The following KLHL7 variants were observed in gnomAD, a reference collection of about 807,000 sequenced individuals.
KLHL7 encodes kelch like family member 7.
A neutral mutation model predicts 67.4 loss-of-function variants in KLHL7; 44 were observed. The observed-to-expected ratio is 0.65, with a 90% CI of 0.51 to 0.84. The LOEUF is 0.84. Ranked by LOEUF, KLHL7 falls within the 40% of genes least tolerant of loss-of-function variation. KLHL7 has a pLI of 0.00. For synonymous variants in KLHL7, 252 were observed against 243.3 expected, an observed-to-expected ratio of 1.04 and a Z score of -0.33; for missense variants, 362 against 718.1, an observed-to-expected ratio of 0.50 and a Z score of 5.67.
intron 6 of KLHL7, among the ~76,000 whole-genome samples, chr7:23,146,835 C>T (rs1388901084): frequency 6.6e-6 from 1 of 152,004 alleles, no homozygotes; most frequent in Admixed American, 6.5e-5. Flanking sequence ...TCTATATGTA[C>T]ACACATCACT....
At chr7:23,135,088 A>G (rs1783930726) in intron 4 of KLHL7, among the ~76,000 whole-genome samples, 1 of 152,030 alleles carries the variant, frequency 6.6e-6, no homozygotes, top group African/African-American at 2.4e-5. Context: ...ATTCCCTCTT[A>G]GTACTGCTTT....
At chr7:23,172,180 C>CA (rs1036181515) in intron 9 of KLHL7, 6 of 456,402 alleles carry the variant, frequency 1.3e-5, no homozygotes. Context: ...TCACAAATGT[C>CA]AGTCTTGGGA....
intron 1 of KLHL7, among the ~76,000 whole-genome samples, chr7:23,119,249 G>A (rs1049641430): frequency 3.3e-5 from 5 of 152,018 alleles, no homozygotes; most frequent in Admixed American, 2.6e-4. Context: ...CTGTTGTCTA[G>A]GCTGGAATGT....
chr7:23,132,048 C>T (rs940897018), intron 4 of KLHL7, among the ~76,000 whole-genome samples: 2 of 152,140 alleles, frequency 1.3e-5, no homozygotes, highest in African/African-American at 4.8e-5. Context: ...TTTACCCATT[C>T]ATCTGTTGAT....
intron 1 of KLHL7, among the ~76,000 whole-genome samples, chr7:23,108,211 G>A (rs1782723862): frequency 1.3e-5 from 2 of 152,284 alleles, no homozygotes; most frequent in South Asian, 2.1e-4. Context: ...TGTGAGATTA[G>A]CATACCTCAG....
At chr7:23,124,623 C>T in intron 2 of KLHL7, 65 bp from the exon 3 acceptor site, 1 of 938,236 alleles carries the variant, frequency 1.1e-6, no homozygotes, top group Non-Finnish European at 1.8e-6. Flanking sequence ...GCCTGGAATG[C>T]CGTGGTTCCT....
At chr7:23,134,005 A>C (rs986389219) in intron 4 of KLHL7, among the ~76,000 whole-genome samples, 1 of 152,196 alleles carries the variant, frequency 6.6e-6, no homozygotes, top group African/African-American at 2.4e-5. Context: ...CAGTGGTGAA[A>C]GTGAGCATCC....
intron 3 of KLHL7, 77 bp downstream of exon 3, chr7:23,124,858 T>C: frequency 8.6e-7 from 1 of 1,159,608 alleles, no homozygotes; most frequent in Admixed American, 1.8e-5. Context: ...TAACAAATAG[T>C]TGCACTACAA....
Position 23,111,441 on chromosome 7 carries a change from G to C in KLHL7, c.120+5295G>C, listed in dbSNP as rs1782866197. ...CATAGCTTCATAAGTCAAGTTAGGT[G>C]ATTTGCCCTTATTCTAAAATCTGTG... is the stretch of plus-strand genomic sequence containing the variant. On this transcript the variant is annotated intron_variant, in intron 1 of 10. Coordinates refer to ENST00000339077, the MANE Select transcript of KLHL7 (RefSeq NM_001031710.3). Among the ~76,000 whole-genome samples, 2 of 152,206 alleles carry C rather than the reference G, an allele frequency of 1.3e-5. 1 individual carries two copies. The highest frequency in any genetic ancestry group is 4.1e-4 in the South Asian group (2 of 4,822).
chr7:23,141,840 G>A (rs1317270624), intron 5 of KLHL7, among the ~76,000 whole-genome samples: 1 of 152,022 alleles, frequency 6.6e-6, no homozygotes, highest in Non-Finnish European at 1.5e-5. Flanking sequence ...AGCCAGGATG[G>A]TCTAGATCTC....
At chr7:23,143,127 A>G (rs1784245785) in intron 5 of KLHL7, among the ~76,000 whole-genome samples, 1 of 152,214 alleles carries the variant, frequency 6.6e-6, no homozygotes. Context: ...CCTTATTAAT[A>G]TCACTCGAAA....
intron 1 of KLHL7, among the ~76,000 whole-genome samples, chr7:23,117,213 G>T (rs577633369): frequency 6.7e-6 from 1 of 149,320 alleles, no homozygotes; most frequent in African/African-American, 2.5e-5. Flanking sequence ...TCAGCCTCCC[G>T]AGTAGCTGCT....
intron 7 of KLHL7, among the ~76,000 whole-genome samples, chr7:23,159,197 G>C (rs1425211324): frequency 1.3e-5 from 2 of 152,086 alleles, no homozygotes; most frequent in Non-Finnish European, 2.9e-5. Flanking sequence ...TTTTAAAACA[G>C]GGTCTTCCTC....
At chr7:23,119,543 G>A (rs1783243106) in intron 1 of KLHL7, among the ~76,000 whole-genome samples, 1 of 152,088 alleles carries the variant, frequency 6.6e-6, no homozygotes, top group African/African-American at 2.4e-5. Flanking sequence ...TTTACATTAG[G>A]GTTGACTCTG....
At position 23,105,932 on chromosome 7, in the gene KLHL7, C is replaced by T. The variant is rs529970611; in HGVS notation, c.-95C>T. On this transcript the variant is annotated 5_prime_UTR_variant, in exon 1 of 11. Coordinates refer to ENST00000339077, the MANE Select transcript of KLHL7 (RefSeq NM_001031710.3). ...TGGGCGCTGCAGCTGCACTGCCGAT[C>T]GCCGTGTTTGGTCGATAGAATCCCC... The T allele has an allele frequency of 2.0e-6, 3 of 1,532,460 alleles. No homozygotes were observed. The highest frequency in any genetic ancestry group is 2.6e-6 in the Non-Finnish European group (3 of 1,138,508). 94.9% of individuals were successfully genotyped at this position (1,532,460 alleles called of 1,614,324 possible).
At position 23,128,422 on chromosome 7, in the gene KLHL7, TAAAAAAAAAAAA is replaced by T. The variant is rs201757686; in HGVS notation, c.442+3268_442+3279del. Among the ~76,000 whole-genome samples, 967 of 116,936 alleles carry T rather than the reference TAAAAAAAAAAAA, an allele frequency of 8.3e-3. 10 individuals are homozygous for T. Among genetic ancestry groups the T allele is most frequent in the Middle Eastern group, 0.02 (4 of 202 alleles). The allele number at this position is 116,936 out of a possible 152,430, so 76.7% of individuals were successfully genotyped here. On this transcript the variant is annotated intron_variant, in intron 4 of 10. Coordinates refer to ENST00000339077, the MANE Select transcript of KLHL7 (RefSeq NM_001031710.3). Reference sequence around the variant, plus strand: ...AATAAGACTACGACTTCTTTGGGTTTAAAAAAAAAAAAAAAAAAAAAAAAAAAAAGAACTTTA... The same window carrying T: ...AATAAGACTACGACTTCTTTGGGTTTAAAAAAAAAAAAAAAAAGAACTTTA...
chr7:23,156,516 A>T (rs547206704), intron 7 of KLHL7, among the ~76,000 whole-genome samples: 1 of 152,328 alleles, frequency 6.6e-6, no homozygotes, highest in South Asian at 2.1e-4. Context: ...TTAACTGATC[A>T]GTTTTTATTT....
chr7:23,160,926 G>T (rs1784838742), intron 7 of KLHL7, among the ~76,000 whole-genome samples: 1 of 152,128 alleles, frequency 6.6e-6, no homozygotes, highest in African/African-American at 2.4e-5. Flanking sequence ...CCTCTAATCT[G>T]TCCTATAGTT....
chr7:23,110,308 C>T (rs540188919), intron 1 of KLHL7, among the ~76,000 whole-genome samples: 13 of 152,192 alleles, frequency 8.5e-5, no homozygotes, highest in Non-Finnish European at 1.6e-4. Flanking sequence ...TCTTCTTATC[C>T]TGCTACAATG....
Sources: allele counts gnomAD v4.1 joint callset (sites outside exome capture counted in the v4.1 genomes callset), GRCh38; gene constraint gnomAD v4.1.1; transcripts MANE v1.5; gene names NCBI Gene and HGNC (gene_info 2026-07-23, HGNC 2026-07-21).